RNLS: variants seen among roughly 807,000 people sequenced by gnomAD.
The protein encoded by RNLS is renalase.
In RNLS, 39 loss-of-function variants were observed where a neutral mutation model predicts 39.8. The ratio of observed to expected loss-of-function variants is 0.98; its 90% CI spans 0.76 to 1.28. The LOEUF (loss-of-function observed/expected upper bound fraction) is 1.28. RNLS is among the 50% of genes most tolerant of loss of function. The pLI, the probability that RNLS is intolerant of heterozygous loss-of-function variation, is 0.00. For missense variants in RNLS, 410 were observed against 413.3 expected, an observed-to-expected ratio of 0.99 and a Z score of 0.07; for synonymous variants, 147 against 150.7, an observed-to-expected ratio of 0.98 and a Z score of 0.18.
At chr10:88,449,264 C>T (rs995046375) in intron 4 of RNLS, among the ~76,000 whole-genome samples, 2 of 152,222 alleles carry the variant, frequency 1.3e-5, no homozygotes, top group Non-Finnish European at 2.9e-5. Context: ...CTGCCTTCCT[C>T]TCTGATCACC....
chr10:88,189,511 TAATG>T, the RNLS span, among the ~76,000 whole-genome samples: 1 of 151,670 alleles, frequency 6.6e-6, no homozygotes, highest in Non-Finnish European at 1.5e-5. Flanking sequence ...CAAAAAAAAA[TAATG>T]AATCAGGGAG....
chr10:88,290,365 C>T (rs1410042528), intron 6 of RNLS, among the ~76,000 whole-genome samples: 1 of 152,108 alleles, frequency 6.6e-6, no homozygotes, highest in East Asian at 1.9e-4. Context: ...AGTGGGTAGG[C>T]AAGAATTAAG....
chr10:88,387,089 T>C (rs1433870299), intron 4 of RNLS, among the ~76,000 whole-genome samples: 1 of 152,182 alleles, frequency 6.6e-6, no homozygotes, highest in East Asian at 1.9e-4. Flanking sequence ...ATATTGAACA[T>C]GGAATAGCTG....
chr10:88,346,397 T>TATAGATAAGGAAATA (rs1848310154), intron 5 of RNLS, among the ~76,000 whole-genome samples: 1 of 152,174 alleles, frequency 6.6e-6, no homozygotes, highest in Admixed American at 6.6e-5. Flanking sequence ...TAGTCAAGTA[T>TATAGATAAGGAAATA]TCCCAGTGTT....
chr10:88,495,739 T>A (rs1416215089), intron 4 of RNLS, among the ~76,000 whole-genome samples: 2 of 151,922 alleles, frequency 1.3e-5, no homozygotes, highest in African/African-American at 4.8e-5. Flanking sequence ...GGAAGGGATA[T>A]GGAAAACTGG....
chr10:88,205,754 C>T, the RNLS span, among the ~76,000 whole-genome samples: 3 of 152,074 alleles, frequency 2.0e-5, no homozygotes, highest in East Asian at 1.9e-4. Flanking sequence ...TAGATATAAT[C>T]GTGTGAAATG....
intron 4 of RNLS, among the ~76,000 whole-genome samples, chr10:88,403,063 T>C (rs56746200): frequency 6.6e-6 from 1 of 152,114 alleles, no homozygotes; most frequent in African/African-American, 2.4e-5. Context: ...CTCAGATGAA[T>C]GTTAAGTGAC....
At chr10:88,294,601 A>G (rs1234467160) in intron 6 of RNLS, among the ~76,000 whole-genome samples, 1 of 152,146 alleles carries the variant, frequency 6.6e-6, no homozygotes, top group Non-Finnish European at 1.5e-5. Flanking sequence ...AATGTTGCTA[A>G]TTCCTCTACA....
At chr10:88,438,632 G>C (rs1262118448) in intron 4 of RNLS, among the ~76,000 whole-genome samples, 1 of 152,190 alleles carries the variant, frequency 6.6e-6, no homozygotes, top group Non-Finnish European at 1.5e-5. Flanking sequence ...GAGAACCACA[G>C]AATGGGTGGG....
chr10:88,393,111 A>C (rs1296948906), intron 4 of RNLS, among the ~76,000 whole-genome samples: 1 of 152,240 alleles, frequency 6.6e-6, no homozygotes, highest in Non-Finnish European at 1.5e-5. Flanking sequence ...AACTGGAAGC[A>C]GTCCCTTTGA....
At chr10:88,262,957 T>C in the RNLS span, among the ~76,000 whole-genome samples, 26 of 152,238 alleles carry the variant, frequency 1.7e-4, no homozygotes, top group African/African-American at 5.8e-4. Context: ...AGGCACTATG[T>C]TGAAGTGGTT....
chr10:88,380,843 TCTAA>T (rs145822255), intron 4 of RNLS, among the ~76,000 whole-genome samples: 1 of 152,174 alleles, frequency 6.6e-6, no homozygotes, highest in African/African-American at 2.4e-5. Flanking sequence ...ACAGTGAAAA[TCTAA>T]CTCTTTTTAG....
chr10:88,514,743 T>C (rs1214757425), intron 4 of RNLS, among the ~76,000 whole-genome samples: 2 of 152,056 alleles, frequency 1.3e-5, no homozygotes, highest in African/African-American at 4.8e-5. Context: ...CATGGTAAGA[T>C]TTCCTTCTTT....
At chr10:88,541,297 G>A (rs897527545) in intron 4 of RNLS, among the ~76,000 whole-genome samples, 2 of 152,134 alleles carry the variant, frequency 1.3e-5, no homozygotes, top group African/African-American at 4.8e-5. Flanking sequence ...ATCTGTGTAC[G>A]TGTCTTAACT....
intron 6 of RNLS, among the ~76,000 whole-genome samples, chr10:88,297,297 C>T (rs1173097812): frequency 6.6e-6 from 1 of 152,122 alleles, no homozygotes; most frequent in Non-Finnish European, 1.5e-5. Context: ...ACATCCTTGC[C>T]AGCATTTGTC....
chr10:88,409,967 C>G (rs974176638), intron 4 of RNLS, among the ~76,000 whole-genome samples: 3 of 151,958 alleles, frequency 2.0e-5, no homozygotes, highest in Admixed American at 6.6e-5. Context: ...ATACAGTGTC[C>G]CTTGCAACTA....
chr10:88,252,789 G>T, the RNLS span, among the ~76,000 whole-genome samples: 3 of 152,174 alleles, frequency 2.0e-5, no homozygotes, highest in Non-Finnish European at 2.9e-5. Context: ...GCACATAGTA[G>T]GTGCCCAATT....
intron 4 of RNLS, among the ~76,000 whole-genome samples, chr10:88,495,650 A>G (rs1845129328): frequency 6.6e-6 from 1 of 152,118 alleles, no homozygotes; most frequent in African/African-American, 2.4e-5. Context: ...AGAAATGGAA[A>G]TGAGAGAGAG....
chr10:88,501,446 T>G (rs1486185891), intron 4 of RNLS, among the ~76,000 whole-genome samples: 1 of 152,122 alleles, frequency 6.6e-6, no homozygotes, highest in Non-Finnish European at 1.5e-5. Flanking sequence ...ATTCACAAAA[T>G]CGATTTTACT....
Sources: allele counts gnomAD v4.1 joint callset (sites outside exome capture counted in the v4.1 genomes callset), GRCh38; gene constraint gnomAD v4.1.1; transcripts MANE v1.5; gene names NCBI Gene and HGNC (gene_info 2026-07-23, HGNC 2026-07-21).